Variants in ERC2 observed in about 807,000 individuals in gnomAD.
ERC2 encodes ERC protein 2.
A neutral mutation model predicts 114.8 loss-of-function variants in ERC2; 42 were observed. The ratio of observed to expected loss-of-function variants is 0.37; its 90% CI spans 0.29 to 0.47. The LOEUF (loss-of-function observed/expected upper bound fraction) is 0.47. Among genes scored for constraint, ERC2 ranks in the 20% least tolerant of loss-of-function variants. The pLI is 0.99. For synonymous variants in ERC2, 454 were observed against 425.5 expected, an observed-to-expected ratio of 1.07 and a Z score of -0.82; for missense variants, 939 against 1,150.7, an observed-to-expected ratio of 0.82 and a Z score of 2.66.
chr3:55,877,877 C>T (rs2062937190), intron 14 of ERC2, among the ~76,000 whole-genome samples: 2 of 152,084 alleles, frequency 1.3e-5, no homozygotes, highest in East Asian at 1.9e-4. Context: ...GCTGCCCTGT[C>T]CCTTGCATCA....
intron 2 of ERC2, among the ~76,000 whole-genome samples, chr3:56,395,812 G>A (rs1256442875): frequency 1.3e-5 from 2 of 152,140 alleles, no homozygotes; most frequent in Non-Finnish European, 2.9e-5. Context: ...ATGTTAAAAG[G>A]GAAACTGGAG....
intron 2 of ERC2, among the ~76,000 whole-genome samples, chr3:56,316,751 A>G (rs1326830261): frequency 6.6e-6 from 1 of 152,250 alleles, no homozygotes; most frequent in Non-Finnish European, 1.5e-5. Context: ...TCCAGGTAGT[A>G]CAGTTACTTA....
intron 6 of ERC2, among the ~76,000 whole-genome samples, chr3:56,111,551 T>C (rs1237874755): frequency 6.6e-6 from 1 of 152,164 alleles, no homozygotes; most frequent in Non-Finnish European, 1.5e-5. Context: ...GAAAGAGAAC[T>C]GTGGCACTTT....
At chr3:55,734,374 C>T (rs2065491865) in intron 15 of ERC2, among the ~76,000 whole-genome samples, 1 of 152,120 alleles carries the variant, frequency 6.6e-6, no homozygotes, top group African/African-American at 2.4e-5. Context: ...CAATTCTTTA[C>T]AGGGACCAGA....
At chr3:56,241,807 C>G (rs1172390236) in intron 3 of ERC2, among the ~76,000 whole-genome samples, 1 of 152,200 alleles carries the variant, frequency 6.6e-6, no homozygotes, top group Non-Finnish European at 1.5e-5. Flanking sequence ...TACATACACA[C>G]TCACCTACAT....
In ERC2 at chr3:56,296,039, C is replaced by T. The variant is rs1470472841; in HGVS notation, c.1054G>A (p.Glu352Lys). The T allele has an allele frequency of 6.3e-7, 1 of 1,597,046 alleles. No individual in the cohort carries two copies. Among genetic ancestry groups the T allele is most frequent in the East Asian group, 2.2e-5 (1 of 44,590 alleles). ...CTTACCTCTCTAAGATGTATGTTTTCCTTCTCTTTCTGATCTAAAATCACT... is the reference window on the plus strand; with the variant it reads ...CTTACCTCTCTAAGATGTATGTTTTTCTTCTCTTTCTGATCTAAAATCACT... ...LEVILDQKEKENIHLREELHR... is the reference protein window; with the variant it reads ...LEVILDQKEKKNIHLREELHR... The change falls in exon 3 of 18, where the codon GAA becomes AAA. Residue 352 changes from glutamate (E) to lysine (K), a missense_variant. Transcript: ENST00000288221.
At chr3:55,668,261 G>A (rs80220994) in intron 17 of ERC2, among the ~76,000 whole-genome samples, 1,970 of 152,180 alleles carry the variant, frequency 0.013, 39 homozygotes, top group African/African-American at 0.044. Flanking sequence ...GATAGCTAGC[G>A]GTGGCCACAT....
At chr3:56,227,029 G>A (rs2050291323) in intron 3 of ERC2, among the ~76,000 whole-genome samples, 1 of 152,012 alleles carries the variant, frequency 6.6e-6, no homozygotes, top group Non-Finnish European at 1.5e-5. Context: ...AGTGTGCTCT[G>A]TAACCTACAG....
At chr3:56,443,435 C>T (rs920172459) in intron 1 of ERC2, among the ~76,000 whole-genome samples, 5 of 152,294 alleles carry the variant, frequency 3.3e-5, no homozygotes, top group East Asian at 1.9e-4. Context: ...TTTCCTGGGA[C>T]CATTTCACCC....
intron 14 of ERC2, among the ~76,000 whole-genome samples, chr3:55,840,520 A>G (rs1298477643): frequency 2.6e-5 from 4 of 151,804 alleles, no homozygotes; most frequent in Non-Finnish European, 5.9e-5. Flanking sequence ...GAACTCTCAT[A>G]CACTAATGGT....
intron 3 of ERC2, among the ~76,000 whole-genome samples, chr3:56,217,143 A>C (rs7626017): frequency 6.6e-6 from 1 of 151,968 alleles, no homozygotes; most frequent in African/African-American, 2.4e-5. Flanking sequence ...TGGCCAGGGC[A>C]ATCAGTCAGG....
At chr3:55,843,069 C>A (rs548801663) in intron 14 of ERC2, among the ~76,000 whole-genome samples, 2 of 152,296 alleles carry the variant, frequency 1.3e-5, no homozygotes, top group African/African-American at 2.4e-5. Flanking sequence ...TGGTATACAA[C>A]AAAACACTAA....
chr3:56,191,569 A>T (rs2047784596), intron 3 of ERC2, among the ~76,000 whole-genome samples: 1 of 152,120 alleles, frequency 6.6e-6, no homozygotes, highest in Admixed American at 6.5e-5. Context: ...TGACTTGCCT[A>T]AGTGCTCAGA....
intron 17 of ERC2, among the ~76,000 whole-genome samples, chr3:55,659,935 G>A (rs1467028284): frequency 6.6e-6 from 1 of 151,936 alleles, no homozygotes; most frequent in Non-Finnish European, 1.5e-5. Context: ...TAGGCATCTA[G>A]TGCCTCCTCC....
chr3:55,761,925 C>T (rs574464814), intron 14 of ERC2, among the ~76,000 whole-genome samples: 84 of 120,594 alleles, frequency 7.0e-4, no homozygotes, highest in African/African-American at 2.6e-3. Flanking sequence ...TCTCTCTCTG[C>T]CCCCCTCCCT....
rs142162528 is a variant in ERC2 at position 55,552,086 on chromosome 3, C to T, written c.*40-40810G>A. Among the ~76,000 whole-genome samples the T allele has an allele frequency of 2.2e-4, 33 of 152,350 alleles. No homozygotes were observed. The South Asian group carries it at 3.1e-3, about 14-fold the overall frequency. ...AGAACCCCGCACCTCTAAGAGCTAGCTCGGTCCTCAACTGTGAGAAACCTG... is the reference window on the plus strand; with the variant it reads ...AGAACCCCGCACCTCTAAGAGCTAGTTCGGTCCTCAACTGTGAGAAACCTG... On this transcript the variant is annotated intron_variant, in intron 17 of 17. Transcript: ENST00000288221.
At chr3:56,033,110 G>C (rs554153472) in intron 7 of ERC2, among the ~76,000 whole-genome samples, 29 of 151,320 alleles carry the variant, frequency 1.9e-4, no homozygotes, top group African/African-American at 6.8e-4. Context: ...TAAAAACAAA[G>C]GCTGGGCAGA....
At chr3:55,694,286 GA>G (rs1160527178) in intron 16 of ERC2, among the ~76,000 whole-genome samples, 9 of 152,298 alleles carry the variant, frequency 5.9e-5, no homozygotes, top group African/African-American at 1.9e-4. Flanking sequence ...ATGCAATGGG[GA>G]TACTTCCATC....
At chr3:56,388,604 G>A (rs2060018712) in intron 2 of ERC2, among the ~76,000 whole-genome samples, 2 of 152,122 alleles carry the variant, frequency 1.3e-5, no homozygotes, top group Non-Finnish European at 1.5e-5. Context: ...CCCTCATGAG[G>A]CTTGAAGTCT....
Sources: gnomAD v4.1 joint callset for allele counts (sites outside exome capture counted in the v4.1 genomes callset) on GRCh38, gnomAD v4.1.1 for gene constraint, MANE v1.5 for transcripts, NCBI Gene and HGNC (gene_info 2026-07-23, HGNC 2026-07-21) for gene names.